Variants in TEX2 observed in about 807,000 individuals in gnomAD.
TEX2 encodes testis expressed 2.
In TEX2, 53 loss-of-function variants were observed where a neutral mutation model predicts 106.9. The observed-to-expected ratio is 0.50, with a 90% CI of 0.40 to 0.62. The LOEUF (loss-of-function observed/expected upper bound fraction) is 0.62. TEX2 is among the 20% of genes least tolerant of loss of function. The pLI, the probability that TEX2 is intolerant of heterozygous loss-of-function variation, is 0.00. For synonymous variants in TEX2, 523 were observed against 534.8 expected, an observed-to-expected ratio of 0.98 and a Z score of 0.30; for missense variants, 1,207 against 1,379.0, an observed-to-expected ratio of 0.88 and a Z score of 1.98.
chr17:64,191,636 G>T (rs1487671804), intron 4 of TEX2, among the ~76,000 whole-genome samples: 1 of 152,080 alleles, frequency 6.6e-6, no homozygotes, highest in Non-Finnish European at 1.5e-5. Flanking sequence ...GACCAACATA[G>T]TGAAATCCTG....
intron 7 of TEX2, 149 bp downstream of exon 7, chr17:64,170,951 G>T: frequency 1.5e-6 from 1 of 667,916 alleles, no homozygotes; most frequent in Non-Finnish European, 2.5e-6. Flanking sequence ...CAGTTTTAAG[G>T]CCATGACTGG....
rs1406772115 is a variant in TEX2 at position 64,153,631 on chromosome 17, C to T, written c.2931-477G>A. The stretch of plus-strand genomic sequence containing the variant: ...AACAAATCATGCTGCATCAATAGGA[C>T]ATAAATCAGTAATTAATGGACTGTC... On this transcript the variant is annotated intron_variant, in intron 9 of 11. Coordinates refer to ENST00000584379, the MANE Select transcript of TEX2 (RefSeq NM_001288732.2). The surrounding 1 kb of genome is among the most constrained non-coding windows in gnomAD (Gnocchi z 4.1). 6.6e-6 allele frequency among the ~76,000 whole-genome samples: 1 copy of T among 152,186 alleles called. No homozygotes were observed. The highest frequency in any genetic ancestry group is 1.5e-5 in the Non-Finnish European group (1 of 68,040).
intron 1 of TEX2, among the ~76,000 whole-genome samples, chr17:64,261,517 A>AATTT (rs1443973893): frequency 2.6e-5 from 4 of 152,098 alleles, no homozygotes. Flanking sequence ...CAAACTCCTG[A>AATTT]ATTTTTCCTC....
chr17:64,210,924 C>A (rs180919890), intron 2 of TEX2, among the ~76,000 whole-genome samples: 1 of 152,010 alleles, frequency 6.6e-6, no homozygotes, highest in East Asian at 1.9e-4. Flanking sequence ...AGAGGACACA[C>A]AAAGGCTCCA....
rs782069937 is a variant in TEX2, at chr17:64,212,895, A to G, written c.1323T>C (p.Asp441=). The change falls in exon 2 of 12, where the codon GAT becomes GAC. Residue 441 remains aspartate, a synonymous_variant. Transcript: ENST00000584379. The stretch of plus-strand genomic sequence containing the variant: ...CGAGCACCTCTGGCTTGAGAGGAAT[A>G]TCTGAGAGCTTATCAACTTTACTCT... ...EGESKVDKLS[D]IPLKPEVLAE... 3 of 1,614,200 alleles carry G rather than the reference A, an allele frequency of 1.9e-6. No homozygotes were observed. Among genetic ancestry groups the G allele is most frequent in the Non-Finnish European group, 1.7e-6 (2 of 1,180,034 alleles).
At chr17:64,168,807 T>C (rs2031258843) in intron 7 of TEX2, among the ~76,000 whole-genome samples, 1 of 151,620 alleles carries the variant, frequency 6.6e-6, no homozygotes, top group South Asian at 2.1e-4. Flanking sequence ...CAAAAAGGAA[T>C]AGAGAGGCCA....
chr17:64,257,106 G>GT (rs1450433878), intron 1 of TEX2, among the ~76,000 whole-genome samples: 3 of 152,222 alleles, frequency 2.0e-5, no homozygotes, highest in Non-Finnish European at 2.9e-5. Context: ...TCAACTGTTA[G>GT]AATAAGCTGG....
At chr17:64,258,641 A>T (rs1180898126) in intron 1 of TEX2, among the ~76,000 whole-genome samples, 1 of 152,182 alleles carries the variant, frequency 6.6e-6, no homozygotes, top group African/African-American at 2.4e-5. Context: ...TCCTGAATAC[A>T]ATCATTTTCT....
At chr17:64,221,623 A>T (rs1258226850) in intron 1 of TEX2, among the ~76,000 whole-genome samples, 1 of 152,194 alleles carries the variant, frequency 6.6e-6, no homozygotes, top group African/African-American at 2.4e-5. Context: ...ACTGGTATGG[A>T]AGTTTCTCAA....
At chr17:64,161,392 A>G (rs1277021572) in intron 7 of TEX2, among the ~76,000 whole-genome samples, 3 of 152,224 alleles carry the variant, frequency 2.0e-5, no homozygotes, top group Non-Finnish European at 4.4e-5. Context: ...CACATATGAG[A>G]ACCGCTGTCT....
At chr17:64,188,018 A>G in intron 5 of TEX2, 150 bp downstream of exon 5, 2 of 826,128 alleles carry the variant, frequency 2.4e-6, no homozygotes, top group South Asian at 3.6e-5. Context: ...CTTCCTGAGT[A>G]GATTACAAGT....
At chr17:64,188,554 C>A in intron 4 of TEX2, 139 bp from the exon 5 acceptor site, 1 of 1,353,640 alleles carries the variant, frequency 7.4e-7, no homozygotes, top group Non-Finnish European at 9.9e-7. Context: ...TGGTGGCTCA[C>A]GCCTGTAATC....
rs192757737 is a variant in TEX2 at position 64,162,456 on chromosome 17, C to T, written c.2672-1523G>A. On this transcript the variant is annotated intron_variant, in intron 7 of 11. Coordinates refer to ENST00000584379, the MANE Select transcript of TEX2 (RefSeq NM_001288732.2). ...GTTACTATATACATCCAAACATAAT[C>T]GTTTCTTTTGAAAATTCTAGTCAAG... Among the ~76,000 whole-genome samples, 3 of 152,246 alleles carry T rather than the reference C, an allele frequency of 2.0e-5. No individual in the cohort carries two copies. The East Asian group carries it at 5.8e-4, about 29-fold the overall frequency.
intron 1 of TEX2, among the ~76,000 whole-genome samples, chr17:64,249,772 T>C (rs1555636737): frequency 5.9e-5 from 9 of 152,204 alleles, no homozygotes. Context: ...TTAGGCCTCC[T>C]CTGAACAATG....
chr17:64,148,812 C>T lies in TEX2; in HGVS notation c.*157G>A. On this transcript the variant is annotated 3_prime_UTR_variant, in exon 12 of 12. Coordinates refer to ENST00000584379, the MANE Select transcript of TEX2 (RefSeq NM_001288732.2). Reference sequence around the variant, plus strand: ...TGTCACTAGATGCAGGGAATGACACCTCACAGTGGAATGGGCACTGGCAGG... The same window carrying T: ...TGTCACTAGATGCAGGGAATGACACTTCACAGTGGAATGGGCACTGGCAGG... The T allele has an allele frequency of 1.2e-6, 1 of 862,262 alleles. No individual in the cohort carries two copies. Among genetic ancestry groups the T allele is most frequent in the East Asian group, 2.8e-5 (1 of 36,184 alleles). 53.4% of individuals were successfully genotyped at this position (862,262 alleles called of 1,614,324 possible). A position where few individuals can be genotyped will look rare whatever the true frequency, so the allele number is the denominator to read the frequency against.
chr17:64,201,722 C>T (rs2032668662), intron 2 of TEX2, among the ~76,000 whole-genome samples: 1 of 152,162 alleles, frequency 6.6e-6, no homozygotes, highest in South Asian at 2.1e-4. Context: ...TAGGAAGCCT[C>T]CCTCCTCACC....
chr17:64,162,079 C>T (rs1329719715), intron 7 of TEX2, among the ~76,000 whole-genome samples: 1 of 152,042 alleles, frequency 6.6e-6, no homozygotes, highest in African/African-American at 2.4e-5. Flanking sequence ...TTCTTTTTAC[C>T]ATAATGGAAG....
chr17:64,169,585 C>T (rs188605665), intron 7 of TEX2, among the ~76,000 whole-genome samples: 8 of 152,184 alleles, frequency 5.3e-5, no homozygotes, highest in Admixed American at 1.3e-4. Flanking sequence ...TGATGTGATG[C>T]GAAAAACATG....
chr17:64,253,743 T>C (rs1320334490), intron 1 of TEX2, among the ~76,000 whole-genome samples: 1 of 152,170 alleles, frequency 6.6e-6, no homozygotes, highest in East Asian at 1.9e-4. Flanking sequence ...GAAATGTCAA[T>C]TACCTCTGGC....
Sources: allele counts gnomAD v4.1 joint callset (sites outside exome capture counted in the v4.1 genomes callset), GRCh38; gene constraint gnomAD v4.1.1; non-coding constraint Gnocchi (gnomAD v3.1); transcripts MANE v1.5; gene names NCBI Gene and HGNC (gene_info 2026-07-23, HGNC 2026-07-21).